Variants in AUTS2 observed in about 807,000 individuals in gnomAD.
AUTS2 encodes activator of transcription and developmental regulator AUTS2.
AUTS2 carries 17 observed loss-of-function variants against 112.4 expected under a neutral mutation model. The observed-to-expected ratio is 0.15, with a 90% confidence interval of 0.10 to 0.23. AUTS2 has a LOEUF of 0.23. Among genes scored for constraint, AUTS2 ranks in the 10% least tolerant of loss-of-function variants. The pLI is 1.00. For missense variants in AUTS2, 1,510 were observed against 1,701.6 expected, an observed-to-expected ratio of 0.89 and a Z score of 1.98; for synonymous variants, 751 against 702.7, an observed-to-expected ratio of 1.07 and a Z score of -1.09.
At chr7:69,670,173 G>A (rs2129153789) in intron 1 of AUTS2, among the ~76,000 whole-genome samples, 1 of 152,218 alleles carries the variant, frequency 6.6e-6, no homozygotes, top group Admixed American at 6.5e-5. Flanking sequence ...TGGTGAGCAA[G>A]ACCTGACTAG....
chr7:70,725,566 A>G (rs184298746), intron 6 of AUTS2, among the ~76,000 whole-genome samples: 3 of 152,340 alleles, frequency 2.0e-5, no homozygotes, highest in Admixed American at 2.0e-4. Context: ...TTACATGACA[A>G]ATGGGAAAGC....
intron 5 of AUTS2, among the ~76,000 whole-genome samples, chr7:70,666,093 A>C (rs1256368625): frequency 2.0e-5 from 3 of 152,186 alleles, no homozygotes; most frequent in African/African-American, 4.8e-5. Flanking sequence ...GCTGGTTGAC[A>C]ACACAGAACT....
intron 4 of AUTS2, among the ~76,000 whole-genome samples, chr7:70,353,831 G>C (rs1265724846): frequency 6.6e-6 from 1 of 152,152 alleles, no homozygotes; most frequent in Non-Finnish European, 1.5e-5. Context: ...ATGTTTGCTT[G>C]TACCTAATTA....
intron 2 of AUTS2, among the ~76,000 whole-genome samples, chr7:69,924,926 A>G (rs1795949526): frequency 6.6e-6 from 1 of 152,232 alleles, no homozygotes; most frequent in Non-Finnish European, 1.5e-5. Context: ...TTCTGTGGAA[A>G]GGTTTTAAAT....
At chr7:69,780,387 T>C (rs770596837) in intron 1 of AUTS2, among the ~76,000 whole-genome samples, 2 of 152,194 alleles carry the variant, frequency 1.3e-5, no homozygotes, top group South Asian at 4.1e-4. Context: ...GTTAAAATTT[T>C]GACCTTTTCT....
At chr7:70,040,393 C>T (rs1801194159) in intron 2 of AUTS2, among the ~76,000 whole-genome samples, 1 of 152,164 alleles carries the variant, frequency 6.6e-6, no homozygotes, top group South Asian at 2.1e-4. Context: ...AAAAAGTGGT[C>T]TTACTGCTTT....
At chr7:70,775,325 C>CATGT in intron 12 of AUTS2, 32 bp from the exon 13 acceptor site, 1 of 1,600,510 alleles carries the variant, frequency 6.2e-7, no homozygotes, top group Non-Finnish European at 8.5e-7. Flanking sequence ...GAGTGACAGG[C>CATGT]ATGTAACCAA....
In AUTS2 at chr7:69,599,757, CCGG is replaced by C. The variant is rs1366255788; in HGVS notation, c.114_116del (p.Gly39del). 1.4e-5 allele frequency: 19 copies of C among 1,370,798 alleles called. No homozygotes were observed. The highest frequency in any genetic ancestry group is 5.7e-5 in the South Asian group (3 of 52,940). 84.9% of individuals were successfully genotyped at this position (1,370,798 alleles called of 1,614,324 possible). On this transcript the variant is annotated inframe_deletion, in exon 1 of 19. Transcript: ENST00000342771. The surrounding 1 kb of genome is among the most constrained non-coding windows in gnomAD (Gnocchi z 7.0). ...CGGGGCGGGCTGGGGGCCGGCGCGG[CCGG>C]CGGCGGCGGGGCTGGCCGGACCCGG...
intron 1 of AUTS2, among the ~76,000 whole-genome samples, chr7:69,816,477 C>G (rs1187560790): frequency 1.3e-5 from 2 of 152,130 alleles, no homozygotes; most frequent in African/African-American, 4.8e-5. Context: ...GTTGCTTCTC[C>G]AAACCGTAGG....
At chr7:70,367,949 G>A (rs1035101907) in intron 4 of AUTS2, among the ~76,000 whole-genome samples, 3 of 152,222 alleles carry the variant, frequency 2.0e-5, no homozygotes, top group Admixed American at 1.3e-4. Flanking sequence ...TGTATTCAGT[G>A]TTTAGGGTGA....
chr7:70,085,805 A>G (rs1803567815), intron 2 of AUTS2, among the ~76,000 whole-genome samples: 1 of 152,126 alleles, frequency 6.6e-6, no homozygotes, highest in African/African-American at 2.4e-5. Flanking sequence ...CCTTTTTACT[A>G]ATCAATTTGT....
At position 70,790,303 on chromosome 7, in the gene AUTS2, G is replaced by A. The variant is rs781633675; in HGVS notation, c.3087G>A (p.Thr1029=). ...CGATGCCCATGACGGTGGGGGTGAC[G>A]GGCATTCACCCCATGAACAGCATCA... ...LASMPMTVGV[T]GIHPMNSISS... Residue 1029 remains threonine, a synonymous_variant, in exon 19 of 19, where the codon ACG becomes ACA. Transcript: ENST00000342771. The surrounding 1 kb of genome is among the most constrained non-coding windows in gnomAD (Gnocchi z 7.6). 1.9e-6 allele frequency: 3 copies of A among 1,613,392 alleles called. No homozygotes were observed. The African/African-American group carries it at 4.0e-5, about 22-fold the overall frequency.
At chr7:69,943,719 T>G (rs1796709081) in intron 2 of AUTS2, among the ~76,000 whole-genome samples, 1 of 152,116 alleles carries the variant, frequency 6.6e-6, no homozygotes, top group Admixed American at 6.6e-5. Context: ...AAAATAGGTG[T>G]TTGTGTATTG....
chr7:70,157,829 G>A (rs1371945390), intron 4 of AUTS2, among the ~76,000 whole-genome samples: 1 of 152,130 alleles, frequency 6.6e-6, no homozygotes, highest in African/African-American at 2.4e-5. Context: ...AATTCCACCT[G>A]CTGGGGCTCT....
chr7:69,844,403 A>G (rs1792107455), intron 1 of AUTS2, among the ~76,000 whole-genome samples: 1 of 152,216 alleles, frequency 6.6e-6, no homozygotes, highest in African/African-American at 2.4e-5. Flanking sequence ...CCTGAGAAAG[A>G]TGTGGTCTTC....
chr7:70,696,041 G>A (rs756104327), intron 5 of AUTS2, among the ~76,000 whole-genome samples: 3 of 152,000 alleles, frequency 2.0e-5, no homozygotes, highest in Non-Finnish European at 4.4e-5. Flanking sequence ...TAAAAAGCCA[G>A]GAAAATGGTC....
At chr7:69,985,781 A>G (rs1377876569) in intron 2 of AUTS2, among the ~76,000 whole-genome samples, 1 of 150,362 alleles carries the variant, frequency 6.7e-6, no homozygotes, top group East Asian at 1.9e-4. Context: ...TTTTTGAGAC[A>G]GGGTCTTGCT....
rs746227597 is a variant in AUTS2, at chr7:70,790,930, T to G, written c.3714T>G (p.Thr1238=). ...GGRPVSPRRT[T]PLSAEIRERP... ...GCCCGGTCTCTCCCAGAAGGACGACTCCTCTGTCCGCAGAGATAAGGGAGA... is the reference window on the plus strand; with the variant it reads ...GCCCGGTCTCTCCCAGAAGGACGACGCCTCTGTCCGCAGAGATAAGGGAGA... The change falls in exon 19 of 19, where the codon ACT becomes ACG. Residue 1238 remains threonine, a synonymous_variant. Transcript: ENST00000342771. The surrounding 1 kb of genome is among the most constrained non-coding windows in gnomAD (Gnocchi z 7.6). The G allele has an allele frequency of 8.4e-6, 13 of 1,553,274 alleles. No homozygotes were observed. Among genetic ancestry groups the G allele is most frequent in the African/African-American group, 2.7e-5 (2 of 73,028 alleles).
chr7:70,766,179 G>A lies in AUTS2; in HGVS notation c.1534G>A (p.Ala512Thr). Residue 512 changes from alanine (A) to threonine (T), a missense_variant, in exon 9 of 19, where the codon GCT becomes ACT. Ala to Thr is a moderately conservative substitution (Grantham distance 58). Around this residue, in one of 3 missense-constraint regions of AUTS2, gnomAD observed 187 missense variants for 309.7 expected, o/e 0.60. Transcript: ENST00000342771. The surrounding 1 kb of genome is among the most constrained non-coding windows in gnomAD (Gnocchi z 4.8). ...GGCCTCTCAGAGTGCTGACCGCGGG[G>A]CTTCCCTGGGCCCTCCGCCCTACCT... Reference protein sequence around the residue: ...FLASQSADRGASLGPPPYLRT... With the variant: ...FLASQSADRGTSLGPPPYLRT... The A allele has an allele frequency of 6.2e-7, 1 of 1,614,128 alleles. No individual in the cohort carries two copies. The highest frequency in any genetic ancestry group is 2.2e-5 in the East Asian group (1 of 44,860).
Sources: gnomAD v4.1 joint callset for allele counts (sites outside exome capture counted in the v4.1 genomes callset) on GRCh38, gnomAD v4.1.1 for gene constraint, gnomAD v4.1.1 regional missense constraint, Gnocchi (gnomAD v3.1) non-coding constraint, MANE v1.5 for transcripts, NCBI Gene and HGNC (gene_info 2026-07-23, HGNC 2026-07-21) for gene names.